The following ITGA2B variants were observed in gnomAD, a reference collection of about 807,000 sequenced individuals.
The protein encoded by ITGA2B is integrin subunit alpha 2b.
A neutral mutation model predicts 142.0 loss-of-function variants in ITGA2B; 91 were observed. The observed-to-expected ratio is 0.64, with a 90% confidence interval of 0.54 to 0.76. The LOEUF is 0.76. Ranked by LOEUF, ITGA2B falls within the 30% of genes least tolerant of loss-of-function variation. The probability of loss-of-function intolerance (pLI) is 0.00; values close to 1 mark genes in which losing one functional copy is unlikely to be tolerated. For missense variants in ITGA2B, 1,231 were observed against 1,350.8 expected (o/e 0.91, Z 1.39); for synonymous variants, 536 against 567.2 (o/e 0.94, Z 0.78).
Position 44,372,407 on chromosome 17 carries a change from C to T in ITGA2B, c.3077G>A (p.Arg1026Gln), listed in dbSNP as rs879255514. ...ATCTTCTTCCAGGGGTGGCCGGTTC[C>T]GCTTGAAGAAGCCGACCTGGGGGTA... ...LAMWKVGFFK[R>Q]NRPPLEEDDE... The change falls in exon 30 of 30, where the codon CGG becomes CAG. Residue 1026 changes from arginine (R) to glutamine (Q), a missense_variant. By Grantham distance (43) the Arg-to-Gln change is conservative. Transcript: ENST00000262407. 6.2e-6 allele frequency: 10 copies of T among 1,614,002 alleles called. No individual in the cohort carries two copies. The highest frequency in any genetic ancestry group is 8.5e-6 in the Non-Finnish European group (10 of 1,179,994).
chr17:44,374,988 C>T lies in ITGA2B; in HGVS notation c.2841+10G>A, dbSNP rs762404002. 1.3e-6 allele frequency: 2 copies of T among 1,529,394 alleles called. No individual in the cohort carries two copies. The highest frequency in any genetic ancestry group is 1.4e-5 in the African/African-American group (1 of 72,738). 94.7% of individuals were successfully genotyped at this position (1,529,394 alleles called of 1,614,324 possible). On this transcript the variant is annotated intron_variant, in intron 27 of 29. Transcript: ENST00000262407. ...AAGGCCCGGCCCCGCCCCACCACGGCCCACCCCACCTGGTAGAGGCTGGGC... is the reference window on the plus strand; with the variant it reads ...AAGGCCCGGCCCCGCCCCACCACGGTCCACCCCACCTGGTAGAGGCTGGGC...
intron 26 of ITGA2B, 33 bp from the exon 27 acceptor site, chr17:44,375,144 C>CCCGG (rs2048529616): frequency 6.6e-7 from 1 of 1,518,808 alleles, no homozygotes; most frequent in Admixed American, 2.0e-5. Flanking sequence ...CCCAGCCCGT[C>CCCGG]CCGGCCCATC....
rs1211628829 is a variant in ITGA2B at position 44,374,679 on chromosome 17, G to T, written c.2923C>A (p.Leu975Met). The change falls in exon 28 of 30, where the codon CTG (leucine) becomes ATG (methionine). Residue 975 changes from leucine (L) to methionine (M), a missense_variant. Around this residue, in one of 3 missense-constraint regions of ITGA2B, gnomAD observed 908 missense variants for 1,021.1 expected, o/e 0.89. Coordinates refer to ENST00000262407, the MANE Select transcript of ITGA2B (RefSeq NM_000419.5). ...CTCACCTGAGCTTCCCCTCGGGGCA[G>T]GCTGAGCGGGGGCACCGCATAGGGG... is the stretch of plus-strand genomic sequence containing the variant. ...SLPYAVPPLS[L>M]PRGEAQVWTQ... is the part of the protein sequence containing the mutation. The T allele has an allele frequency of 6.2e-7, 1 of 1,613,824 alleles. No individual in the cohort carries two copies. Among genetic ancestry groups the T allele is most frequent in the African/African-American group, 1.3e-5 (1 of 74,910 alleles).
At chr17:44,373,046 AT>A (rs951031074) in intron 29 of ITGA2B, among the ~76,000 whole-genome samples, 19 of 152,048 alleles carry the variant, frequency 1.2e-4, no homozygotes, top group African/African-American at 4.3e-4. Flanking sequence ...CACCTGACTA[AT>A]TTTTTTTAAA....
At chr17:44,380,354 TC>T in intron 15 of ITGA2B, 31 bp downstream of exon 15, 1 of 1,614,124 alleles carries the variant, frequency 6.2e-7, no homozygotes, top group Non-Finnish European at 8.5e-7. Context: ...AGGTCCCAGA[TC>T]CTTTAAGGCC....
rs767679341 is a variant in ITGA2B at position 44,384,327 on chromosome 17, C to T, written c.875G>A (p.Ser292Asn). The T allele has an allele frequency of 1.1e-5, 18 of 1,613,388 alleles. No individual in the cohort carries two copies. Among genetic ancestry groups the T allele is most frequent in the Non-Finnish European group, 1.5e-5 (18 of 1,179,940 alleles). The part of the protein sequence containing the change: ...TEYVVGAPTW[S>N]WTLGAVEILD... ...GGCACTTACCGCTCCCAGGGTCCAG[C>T]TCCAAGTGGGGGCACCGACGACATA... The change falls in exon 9 of 30, where the codon AGC becomes AAC. Residue 292 changes from serine to asparagine, a missense_variant. By Grantham distance (46) the Ser-to-Asn change is conservative (BLOSUM62 1). Transcript: ENST00000262407.
intron 1 of ITGA2B, among the ~76,000 whole-genome samples, chr17:44,388,166 A>G (rs906041180): frequency 2.0e-5 from 3 of 152,072 alleles, no homozygotes; most frequent in Admixed American, 2.0e-4. Flanking sequence ...CAAGACTCTA[A>G]TCTTGGCACT....
intron 29 of ITGA2B, among the ~76,000 whole-genome samples, chr17:44,373,535 C>T (rs2048514312): frequency 1.3e-5 from 2 of 152,124 alleles, no homozygotes. Flanking sequence ...TCCCTAAAAG[C>T]ACCATGTCTT....
At chr17:44,382,700 G>C (rs142984265) in intron 12 of ITGA2B, among the ~76,000 whole-genome samples, 122 of 152,140 alleles carry the variant, frequency 8.0e-4, no homozygotes, top group African/African-American at 2.9e-3. Flanking sequence ...TAAAGCCCAT[G>C]AATATTTCTC....
In ITGA2B at chr17:44,378,418, G is replaced by A; in HGVS notation, c.2038C>T (p.Leu680=). 6.2e-7 allele frequency: 1 copy of A among 1,613,588 alleles called. No individual in the cohort carries two copies. Among genetic ancestry groups the A allele is most frequent in the Non-Finnish European group, 8.5e-7 (1 of 1,179,948 alleles). Reference sequence around the variant, plus strand: ...GCGCCCTGGGGCAGGTGCACGGCCAGCTCTGCTTCATAGGCCCCCTCGCCC... The same window carrying A: ...GCGCCCTGGGGCAGGTGCACGGCCAACTCTGCTTCATAGGCCCCCTCGCCC... ...NEGEGAYEAE[L]AVHLPQGAHY... The change falls in exon 20 of 30, where the codon CTG becomes TTG. Residue 680 remains leucine, a synonymous_variant. Transcript: ENST00000262407.
rs553680638 is a variant in ITGA2B at position 44,387,261 on chromosome 17, G to T, written c.189-1130C>A. ...GAGTTGGCCGGGTGTGGTGGCTCAC[G>T]CCTGTAATCCCAGTACTTTGGGAGG... On this transcript the variant is annotated intron_variant, in intron 1 of 29. Coordinates refer to ENST00000262407, the MANE Select transcript of ITGA2B (RefSeq NM_000419.5). 2.6e-5 allele frequency among the ~76,000 whole-genome samples: 4 copies of T among 152,160 alleles called. No homozygotes were observed. The South Asian group carries it at 8.3e-4, about 32-fold the overall frequency.
chr17:44,378,523 G>T lies in ITGA2B; in HGVS notation c.1947-14C>A, dbSNP rs763017346. 2.3e-5 allele frequency: 37 copies of T among 1,613,432 alleles called. No homozygotes were observed. In the East Asian group the frequency reaches 8.0e-4, roughly 35 times the overall value. ...GGGGAGCCCGTCCTGTGGGGAAAGA[G>T]GAGTGAAGCCAGGGAGCCTGGGTCT... On this transcript the variant is annotated splice_polypyrimidine_tract_variant and intron_variant, in intron 19 of 29. Coordinates refer to ENST00000262407, the MANE Select transcript of ITGA2B (RefSeq NM_000419.5).
Position 44,378,359 on chromosome 17 carries a change from T to C in ITGA2B, c.2094+3A>G. 1.2e-6 allele frequency: 2 copies of C among 1,610,056 alleles called. No individual in the cohort carries two copies. Among genetic ancestry groups the C allele is most frequent in the South Asian group, 2.2e-5 (2 of 90,658 alleles). ...GGTACTGTTCCCAGGGTGGGGGCCATACCTCGACATTGCTTAGGGCCCGCA... is the reference window on the plus strand; with the variant it reads ...GGTACTGTTCCCAGGGTGGGGGCCACACCTCGACATTGCTTAGGGCCCGCA... On this transcript the variant is annotated splice_donor_region_variant and intron_variant, in intron 20 of 29. Coordinates refer to ENST00000262407, the MANE Select transcript of ITGA2B (RefSeq NM_000419.5).
Position 44,374,336 on chromosome 17 carries a change from C to T in ITGA2B, c.3060+18G>A. The stretch of plus-strand genomic sequence containing the variant: ...AGCCTGTGCCCCGCTGGGGACTCCA[C>T]CGTCCTTCACACCTCACCTTCCACA... On this transcript the variant is annotated intron_variant, in intron 29 of 29. Transcript: ENST00000262407. The T allele has an allele frequency of 6.2e-7, 1 of 1,609,472 alleles. No individual in the cohort carries two copies. Among genetic ancestry groups the T allele is most frequent in the Non-Finnish European group, 8.5e-7 (1 of 1,175,888 alleles).
At chr17:44,384,729 C>T in intron 7 of ITGA2B, 144 bp from the exon 8 acceptor site, 1 of 1,248,228 alleles carries the variant, frequency 8.0e-7, no homozygotes. Context: ...GGGCCAAGCC[C>T]TGCCCCAGGC....
Position 44,386,096 on chromosome 17 carries a change from C to A in ITGA2B, c.224G>T (p.Gly75Val). ...AIVVGAPRTL[G>V]PSQEETGGVF... is the part of the protein sequence containing the mutation. ...GCCGCCCGTCTCCTCCTGGCTGGGG[C>A]CCAGGGTCCGCGGGGCGCCCACCAC... The change falls in exon 2 of 30, where the codon GGC (glycine) becomes GTC (valine). Residue 75 changes from glycine (G) to valine (V), a missense_variant. Gly to Val is a moderately radical substitution (Grantham distance 109, BLOSUM62 -3). Coordinates refer to ENST00000262407, the MANE Select transcript of ITGA2B (RefSeq NM_000419.5). The A allele has an allele frequency of 6.2e-7, 1 of 1,607,990 alleles. No homozygotes were observed. The highest frequency in any genetic ancestry group is 8.5e-7 in the Non-Finnish European group (1 of 1,178,760).
Position 44,378,353 on chromosome 17 carries a change from G to T in ITGA2B, c.2094+9C>A. 6.2e-7 allele frequency: 1 copy of T among 1,608,030 alleles called. No individual in the cohort carries two copies. The highest frequency in any genetic ancestry group is 1.3e-5 in the African/African-American group (1 of 74,956). ...GTCCCGGGTACTGTTCCCAGGGTGG[G>T]GGCCATACCTCGACATTGCTTAGGG... is the stretch of plus-strand genomic sequence containing the variant. On this transcript the variant is annotated intron_variant, in intron 20 of 29. Coordinates refer to ENST00000262407, the MANE Select transcript of ITGA2B (RefSeq NM_000419.5).
At chr17:44,388,285 G>A (rs1020655070) in intron 1 of ITGA2B, among the ~76,000 whole-genome samples, 4 of 151,960 alleles carry the variant, frequency 2.6e-5, no homozygotes, top group African/African-American at 4.8e-5. Flanking sequence ...TGCAAGGTGC[G>A]GGAGGGTAGA....
rs1197159952 is a variant in ITGA2B, at chr17:44,383,662, G to C, written c.1041C>G (p.Ser347Arg). 8.8e-6 allele frequency: 14 copies of C among 1,593,698 alleles called. No homozygotes were observed. Among genetic ancestry groups the C allele is most frequent in the Non-Finnish European group, 1.2e-5 (14 of 1,170,060 alleles). The change falls in exon 12 of 30, where the codon AGC becomes AGG. Residue 347 changes from serine (S) to arginine (R), a missense_variant. By Grantham distance (110) the Ser-to-Arg change is moderately radical. This residue lies in a region of ITGA2B where 908 missense variants were observed against 1,021.1 expected (regional missense o/e 0.89). Transcript: ENST00000262407. The part of the protein sequence containing the change: ...LLVGAPLYME[S>R]RADRKLAEVG... The stretch of plus-strand genomic sequence containing the variant: ...CTTCGGCCAGTTTTCGGTCTGCCCG[G>C]CTCTCCATATACAGTGGAGCGCCCA...
Sources: gnomAD v4.1 joint callset for allele counts (sites outside exome capture counted in the v4.1 genomes callset) on GRCh38, gnomAD v4.1.1 for gene constraint, gnomAD v4.1.1 regional missense constraint, MANE v1.5 for transcripts, NCBI Gene and HGNC (gene_info 2026-07-23, HGNC 2026-07-21) for gene names.